OSGIN1: variants seen among roughly 807,000 people sequenced by gnomAD.
OSGIN1 encodes the protein oxidative stress-induced growth inhibitor 1.
OSGIN1 carries 19 observed loss-of-function variants against 20.1 expected under a neutral mutation model. The observed-to-expected ratio is 0.95, with a 90% confidence interval of 0.66 to 1.39. The LOEUF (loss-of-function observed/expected upper bound fraction) is 1.39. Ranked by LOEUF, OSGIN1 falls within the 40% of genes most tolerant of loss-of-function variation. OSGIN1 has a pLI of 0.00. For missense variants in OSGIN1, 820 were observed against 653.0 expected (o/e 1.26, Z -2.79); for synonymous variants, 368 against 297.8 (o/e 1.24, Z -2.43).
rs143490160 is a variant in OSGIN1 at position 83,959,356 on chromosome 16, G to A, written c.164G>A (p.Arg55Lys). ...ATCCACCCACACCCCCTGCTGCAGA[G>A]GAAGCTCACCGAGGCCCCGGGGGTC... is the stretch of plus-strand genomic sequence containing the variant. Reference protein sequence around the residue: ...DAIHPHPLLQRKLTEAPGVSI... With the variant: ...DAIHPHPLLQKKLTEAPGVSI... Residue 55 changes from arginine to lysine, a missense_variant, in exon 3 of 6, where the codon AGG (arginine) becomes AAG (lysine). Arg to Lys is a conservative substitution (Grantham distance 26). Coordinates refer to ENST00000393306, the MANE Select transcript of OSGIN1 (RefSeq NM_182981.3). The A allele has an allele frequency of 2.1e-3, 3,448 of 1,613,848 alleles. 21 individuals are homozygous for A. Among genetic ancestry groups the A allele is most frequent in the South Asian group, 0.012 (1,065 of 91,084 alleles).
rs1174113274 is a variant in OSGIN1 at position 83,957,676 on chromosome 16, G to T, written c.5G>T (p.Ser2Ile). Residue 2 changes from serine to isoleucine, a missense_variant, in exon 2 of 6, where the codon AGC (serine) becomes ATC (isoleucine). By Grantham distance (142) the Ser-to-Ile change is moderately radical. Coordinates refer to ENST00000393306, the MANE Select transcript of OSGIN1 (RefSeq NM_182981.3). The stretch of plus-strand genomic sequence containing the variant: ...GCCCCAAGCCCCCCACCAGCCATGA[G>T]CTCCTCCAGAAAGGACCACCTCGGC... M[S>I]SSRKDHLGAS... 1.9e-6 allele frequency: 3 copies of T among 1,605,440 alleles called. No individual in the cohort carries two copies. Among genetic ancestry groups the T allele is most frequent in the Non-Finnish European group, 2.6e-6 (3 of 1,175,676 alleles).
At chr16:83,963,446 A>G (rs951237845) in intron 5 of OSGIN1, among the ~76,000 whole-genome samples, 3 of 151,976 alleles carry the variant, frequency 2.0e-5, no homozygotes, top group Admixed American at 6.6e-5. Context: ...TCAGAGCACA[A>G]AACCACCGCA....
At chr16:83,959,460 T>A in intron 3 of OSGIN1, 64 bp downstream of exon 3, 1 of 1,477,500 alleles carries the variant, frequency 6.8e-7, no homozygotes, top group Non-Finnish European at 9.2e-7. Flanking sequence ...CTACCGCCGC[T>A]TTCCCAGGGA....
At chr16:83,957,561 T>C (rs1422324437) in intron 1 of OSGIN1, 79 bp from the exon 2 acceptor site, 2 of 763,548 alleles carry the variant, frequency 2.6e-6, no homozygotes, top group East Asian at 5.8e-5. Context: ...GAGGCCACCC[T>C]AGCTGGGAGG....
chr16:83,960,752 G>A lies in OSGIN1; in HGVS notation c.388G>A (p.Ala130Thr), dbSNP rs1291499767. Reference protein sequence around the residue: ...VVLGRNLPGGAWHSIEGSMVI... With the variant: ...VVLGRNLPGGTWHSIEGSMVI... ...TCTGGGCCGGAACCTCCCCGGGGGA[G>A]CCTGGCACGTGAGTGGGGCAGCGAG... The change falls in exon 4 of 6, where the codon GCC becomes ACC. Residue 130 changes from alanine (A) to threonine (T), a missense_variant. By Grantham distance (58) the Ala-to-Thr change is moderately conservative. Transcript: ENST00000393306. 1 of 1,612,986 alleles carries A rather than the reference G, an allele frequency of 6.2e-7. No individual in the cohort carries two copies. Among genetic ancestry groups the A allele is most frequent in the Non-Finnish European group, 8.5e-7 (1 of 1,179,948 alleles).
In OSGIN1 at chr16:83,961,031, C is replaced by T. The variant is rs1247843085; in HGVS notation, c.447C>T (p.Leu149=). 1.9e-6 allele frequency: 3 copies of T among 1,613,480 alleles called. No individual in the cohort carries two copies. Among genetic ancestry groups the T allele is most frequent in the Non-Finnish European group, 2.5e-6 (3 of 1,180,016 alleles). The change falls in exon 5 of 6, where the codon CTC becomes CTT. Residue 149 remains leucine, a synonymous_variant. Transcript: ENST00000393306. ...VILSQGQWMG[L]PDLEVKDWMQ... ...TGAGCCAAGGCCAGTGGATGGGGCT[C>T]CCGGACCTGGAGGTCAAGGACTGGA...
At chr16:83,961,384 A>G in intron 5 of OSGIN1, 1 of 372,798 alleles carries the variant, frequency 2.7e-6, no homozygotes, top group Non-Finnish European at 5.0e-6. Flanking sequence ...GGTAGGTGAG[A>G]GATAAACAGT....
At position 83,965,404 on chromosome 16, in the gene OSGIN1, G is replaced by A; in HGVS notation, c.831G>A (p.Arg277=). Residue 277 remains arginine (R), a synonymous_variant, in exon 6 of 6, where the codon AGG becomes AGA. Transcript: ENST00000393306. ...TGTCTGCCCTGGAGGCCGCCACAAGGGTGGGTGCGGTGACCCCGGCCTCAG... is the reference window on the plus strand; with the variant it reads ...TGTCTGCCCTGGAGGCCGCCACAAGAGTGGGTGCGGTGACCCCGGCCTCAG... ...HELSALEAAT[R]VGAVTPASDP... is the part of the protein sequence containing the mutation. The A allele has an allele frequency of 6.3e-7, 1 of 1,576,852 alleles. No individual in the cohort carries two copies. Among genetic ancestry groups the A allele is most frequent in the Non-Finnish European group, 8.6e-7 (1 of 1,164,536 alleles).
rs1469681213 is a variant in OSGIN1 at position 83,965,880 on chromosome 16, G to C, written c.1307G>C (p.Ser436Thr). 1 of 1,612,886 alleles carries C rather than the reference G, an allele frequency of 6.2e-7. No individual in the cohort carries two copies. The highest frequency in any genetic ancestry group is 8.5e-7 in the Non-Finnish European group (1 of 1,179,998). Reference protein sequence around the residue: ...PIDVDPFTYQSTRQEGLYAMG... With the variant: ...PIDVDPFTYQTTRQEGLYAMG... ...GACGTGGACCCCTTCACCTACCAGA[G>C]CACCCGCCAGGAGGGCCTGTACGCC... The change falls in exon 6 of 6, where the codon AGC becomes ACC. Residue 436 changes from serine (S) to threonine (T), a missense_variant. Physicochemically the swap from Ser to Thr is moderately conservative, Grantham distance 58 (BLOSUM62 1). Transcript: ENST00000393306.
Position 83,960,595 on chromosome 16 carries a change from C to G in OSGIN1, c.231C>G (p.Leu77=). The G allele has an allele frequency of 1.2e-6, 2 of 1,613,378 alleles. No homozygotes were observed. Among genetic ancestry groups the G allele is most frequent in the Non-Finnish European group, 1.7e-6 (2 of 1,179,996 alleles). The change falls in exon 4 of 6, where the codon CTC becomes CTG. Residue 77 remains leucine (L), a synonymous_variant. Coordinates refer to ENST00000393306, the MANE Select transcript of OSGIN1 (RefSeq NM_182981.3). ...DQDLDYLSEG[L]EGRSQSPVAL... Reference sequence around the variant, plus strand: ...ACCTGGACTACCTGTCCGAAGGCCTCGAAGGCCGATCCCAAAGCCCCGTGG... The same window carrying G: ...ACCTGGACTACCTGTCCGAAGGCCTGGAAGGCCGATCCCAAAGCCCCGTGG...
intron 1 of OSGIN1, among the ~76,000 whole-genome samples, chr16:83,955,258 C>G (rs1041336187): frequency 2.0e-5 from 3 of 152,314 alleles, no homozygotes; most frequent in East Asian, 1.9e-4. Context: ...TCTCCAAGGC[C>G]TCTGGGTATA....
intron 2 of OSGIN1, 114 bp downstream of exon 2, chr16:83,957,852 G>T (rs1474667381): frequency 4.9e-6 from 2 of 409,232 alleles, no homozygotes; most frequent in East Asian, 3.6e-5. Context: ...CGTTTTTGGG[G>T]TTTATTTTTT....
intron 2 of OSGIN1, among the ~76,000 whole-genome samples, chr16:83,958,738 G>A (rs1315307036): frequency 2.6e-5 from 4 of 152,262 alleles, no homozygotes; most frequent in East Asian, 1.9e-4. Flanking sequence ...CCCAACAGGC[G>A]GCTCAGCACC....
At chr16:83,958,756 G>T (rs779267179) in intron 2 of OSGIN1, among the ~76,000 whole-genome samples, 3 of 152,162 alleles carry the variant, frequency 2.0e-5, no homozygotes, top group Non-Finnish European at 4.4e-5. Flanking sequence ...ACCCCTGAGC[G>T]CCCACAAGCA....
Position 83,965,479 on chromosome 16 carries a change from C to T in OSGIN1, c.906C>T (p.Leu302=). 6.2e-7 allele frequency: 1 copy of T among 1,607,784 alleles called. No homozygotes were observed. Among genetic ancestry groups the T allele is most frequent in the Non-Finnish European group, 8.5e-7 (1 of 1,179,628 alleles). ...GGCTGTCAGCGGCCGACGCGGTCCT[C>T]TACGCCCGCCACTACAACATCCCGG... ...GAGLSAADAV[L]YARHYNIPVI... Residue 302 remains leucine (L), a synonymous_variant, in exon 6 of 6, where the codon CTC becomes CTT. Coordinates refer to ENST00000393306, the MANE Select transcript of OSGIN1 (RefSeq NM_182981.3).
Position 83,966,245 on chromosome 16 carries a change from T to G in OSGIN1, c.*238T>G. On this transcript the variant is annotated 3_prime_UTR_variant, in exon 6 of 6. Coordinates refer to ENST00000393306, the MANE Select transcript of OSGIN1 (RefSeq NM_182981.3). The stretch of plus-strand genomic sequence containing the variant: ...ACCTGGGATTTGTGGGGAAAGCTGC[T>G]GGTGTGACCAGCTGAGCACCCAGCC... 3.7e-6 allele frequency: 2 copies of G among 543,194 alleles called. No individual in the cohort carries two copies. Among genetic ancestry groups the G allele is most frequent in the Non-Finnish European group, 6.4e-6 (2 of 310,850 alleles). 33.6% of individuals were successfully genotyped at this position (543,194 alleles called of 1,614,324 possible).
chr16:83,954,758 T>G, intron 1 of OSGIN1: 3 of 984,858 alleles, frequency 3.0e-6, no homozygotes, highest in Non-Finnish European at 3.6e-6. Flanking sequence ...GCCCTGGTGG[T>G]AAACCAGTGT....
rs1567658567 is a variant in OSGIN1 at position 83,965,186 on chromosome 16, A to AC, written c.618dup (p.Asp207ArgfsTer62). The AC allele has an allele frequency of 2.5e-6, 4 of 1,612,502 alleles. No homozygotes were observed. Among genetic ancestry groups the AC allele is most frequent in the South Asian group, 1.1e-5 (1 of 91,032 alleles). ...TGTAGTCACAGCCGTGGAGTGGGGG[A>AC]CCCCCGATCCCAGCAGCTGTGGGGC... On this transcript the variant is annotated frameshift_variant, in exon 6 of 6. Transcript: ENST00000393306. LOFTEE classifies it low-confidence loss of function (END_TRUNC).
At chr16:83,960,328 A>T (rs1166248567) in intron 3 of OSGIN1, among the ~76,000 whole-genome samples, 1 of 152,188 alleles carries the variant, frequency 6.6e-6, no homozygotes, top group Non-Finnish European at 1.5e-5. Flanking sequence ...ATGTAGGACC[A>T]GGCAATCGCT....
Sources: allele counts gnomAD v4.1 joint callset (sites outside exome capture counted in the v4.1 genomes callset), GRCh38; gene constraint gnomAD v4.1.1; transcripts MANE v1.5; gene names NCBI Gene and HGNC (gene_info 2026-07-23, HGNC 2026-07-21).